NCOA7: variants seen among roughly 807,000 people sequenced by gnomAD.
NCOA7 encodes the protein nuclear receptor coactivator 7.
NCOA7 carries 45 observed loss-of-function variants against 104.3 expected under a neutral mutation model. The ratio of observed to expected loss-of-function variants is 0.43; its 90% CI spans 0.34 to 0.55. The LOEUF is 0.55. Among genes scored for constraint, NCOA7 ranks in the 20% least tolerant of loss-of-function variants. The pLI is 0.02. For missense variants in NCOA7, 1,041 were observed against 1,119.7 expected, an observed-to-expected ratio of 0.93 and a Z score of 1.00; for synonymous variants, 398 against 402.3, an observed-to-expected ratio of 0.99 and a Z score of 0.13.
At chr6:125,912,296 T>G (rs1786637542) in intron 10 of NCOA7, among the ~76,000 whole-genome samples, 1 of 152,194 alleles carries the variant, frequency 6.6e-6, no homozygotes, top group Non-Finnish European at 1.5e-5. Flanking sequence ...AGGAAAATTT[T>G]GGGGGCCTAA....
intron 3 of NCOA7, among the ~76,000 whole-genome samples, chr6:125,868,967 A>C (rs1782655608): frequency 6.6e-6 from 1 of 152,250 alleles, no homozygotes; most frequent in African/African-American, 2.4e-5. Context: ...AGCCCCATGC[A>C]GAACTGGTCC....
At chr6:125,805,067 G>C (rs1776306151) in intron 1 of NCOA7, among the ~76,000 whole-genome samples, 1 of 145,866 alleles carries the variant, frequency 6.9e-6, no homozygotes, top group African/African-American at 2.5e-5. Flanking sequence ...TGGCCATAAA[G>C]CTGGGTTCAC....
At chr6:125,903,764 G>A (rs1321540231) in intron 10 of NCOA7, among the ~76,000 whole-genome samples, 2 of 147,498 alleles carry the variant, frequency 1.4e-5, no homozygotes, top group Non-Finnish European at 3.0e-5. Context: ...GGAGTGTAGT[G>A]GCATGATCTC....
At chr6:125,866,784 A>G (rs1426470077) in intron 3 of NCOA7, among the ~76,000 whole-genome samples, 1 of 152,134 alleles carries the variant, frequency 6.6e-6, no homozygotes, top group Non-Finnish European at 1.5e-5. Context: ...TGTCACTGCA[A>G]TGTTTTAATT....
chr6:125,923,441 C>T (rs1192282991), intron 13 of NCOA7, among the ~76,000 whole-genome samples: 1 of 152,132 alleles, frequency 6.6e-6, no homozygotes, highest in African/African-American at 2.4e-5. Flanking sequence ...ACCCCTTGTC[C>T]CTGCACTGTT....
chr6:125,889,845 A>C lies in NCOA7; in HGVS notation c.1791A>C (p.Thr597=), dbSNP rs1784504371. ...TCCCGGTAAAACTGAACTCTTCTAC[A>C]GAAGCAAATGTGATTAAAGAGGCTC... ...EPLPVKLNSS[T]EANVIKEALD... Residue 597 remains threonine, a synonymous_variant, in exon 9 of 16, where the codon ACA becomes ACC. Coordinates refer to ENST00000392477, the MANE Select transcript of NCOA7 (RefSeq NM_181782.5). The C allele has an allele frequency of 1.2e-6, 2 of 1,613,742 alleles. No individual in the cohort carries two copies. The highest frequency in any genetic ancestry group is 1.7e-6 in the Non-Finnish European group (2 of 1,179,936).
chr6:125,827,102 G>T (rs748863920), intron 2 of NCOA7, among the ~76,000 whole-genome samples: 7 of 147,682 alleles, frequency 4.7e-5, no homozygotes, highest in Non-Finnish European at 8.9e-5. Flanking sequence ...CAGGAGAATT[G>T]TGTGAACCCC....
chr6:125,879,726 A>G (rs192791329), intron 5 of NCOA7, among the ~76,000 whole-genome samples: 185 of 152,308 alleles, frequency 1.2e-3, no homozygotes, highest in African/African-American at 4.2e-3. Context: ...GGCCGGGCAC[A>G]GTGGCTCATC....
In NCOA7 at chr6:125,900,142, G is replaced by GTGGAC. The variant is rs774323898; in HGVS notation, c.2096+9333_2096+9337dup. Reference sequence around the variant, plus strand: ...AGCTCCTTCTCTACCAGTAGGGGCTGTGGACCTCTGTAGCTAGGTGGGAAT... The same window carrying GTGGAC: ...AGCTCCTTCTCTACCAGTAGGGGCTGTGGACTGGACCTCTGTAGCTAGGTGGGAAT... On this transcript the variant is annotated intron_variant, in intron 10 of 15. Transcript: ENST00000392477. The GTGGAC allele has an allele frequency of 4.8e-4, 210 of 437,018 alleles. 2 individuals are homozygous for GTGGAC. The highest frequency in any genetic ancestry group is 7.2e-4 in the Admixed American group (31 of 43,162). 27.1% of individuals were successfully genotyped at this position (437,018 alleles called of 1,614,324 possible).
intron 3 of NCOA7, among the ~76,000 whole-genome samples, chr6:125,859,179 G>C (rs1325127457): frequency 6.6e-6 from 1 of 152,054 alleles, no homozygotes; most frequent in Non-Finnish European, 1.5e-5. Context: ...CTTAGGGGAA[G>C]GGGCACACCG....
intron 11 of NCOA7, among the ~76,000 whole-genome samples, chr6:125,918,265 G>C (rs754500381): frequency 6.6e-6 from 1 of 152,070 alleles, no homozygotes; most frequent in Non-Finnish European, 1.5e-5. Context: ...TTATGTCTCT[G>C]TGCCTGGCAA....
intron 3 of NCOA7, among the ~76,000 whole-genome samples, chr6:125,858,378 C>T (rs947326804): frequency 1.1e-4 from 16 of 152,070 alleles, no homozygotes; most frequent in African/African-American, 3.6e-4. Context: ...CAGTGGTTCA[C>T]ACCTGTAATC....
At chr6:125,800,384 G>A (rs58745512) in intron 1 of NCOA7, among the ~76,000 whole-genome samples, 8,422 of 152,202 alleles carry the variant, frequency 0.055, 765 homozygotes, top group African/African-American at 0.19. Flanking sequence ...TTTTAGTTAT[G>A]TGCCTTATAA....
At chr6:125,921,566 G>C (rs1167850870) in intron 12 of NCOA7, among the ~76,000 whole-genome samples, 1 of 152,186 alleles carries the variant, frequency 6.6e-6, no homozygotes, top group Non-Finnish European at 1.5e-5. Flanking sequence ...CTTCTTAGTA[G>C]TATGAGGAGT....
intron 15 of NCOA7, 26 bp from the exon 16 acceptor site, chr6:125,928,610 T>C (rs1482114569): frequency 2.5e-5 from 4 of 159,696 alleles, no homozygotes; most frequent in Non-Finnish European, 5.0e-5. Flanking sequence ...TGTTTTTACC[T>C]TTTTTTTTTT....
chr6:125,827,684 G>A (rs1268781582), intron 2 of NCOA7, among the ~76,000 whole-genome samples: 1 of 152,176 alleles, frequency 6.6e-6, no homozygotes, highest in Non-Finnish European at 1.5e-5. Flanking sequence ...GCTAGGGAGA[G>A]AGGGAAGGAC....
At chr6:125,903,455 A>G (rs987524852) in intron 10 of NCOA7, among the ~76,000 whole-genome samples, 3 of 152,066 alleles carry the variant, frequency 2.0e-5, no homozygotes, top group South Asian at 2.1e-4. Flanking sequence ...AGATTTGTCC[A>G]TGTCTCTTCC....
At chr6:125,890,020 A>G in intron 9 of NCOA7, 39 bp downstream of exon 9, 2 of 1,429,176 alleles carry the variant, frequency 1.4e-6, no homozygotes, top group Non-Finnish European at 1.8e-6. Context: ...ATTCTGTTGC[A>G]TAATTGCCTT....
At chr6:125,880,484 C>G (rs903953563) in intron 5 of NCOA7, among the ~76,000 whole-genome samples, 2 of 151,562 alleles carry the variant, frequency 1.3e-5, no homozygotes, top group Non-Finnish European at 2.9e-5. Flanking sequence ...ACCCACCTTG[C>G]TCTCTCTTTT....
Sources: gnomAD v4.1 joint callset for allele counts (sites outside exome capture counted in the v4.1 genomes callset) on GRCh38, gnomAD v4.1.1 for gene constraint, MANE v1.5 for transcripts, NCBI Gene and HGNC (gene_info 2026-07-23, HGNC 2026-07-21) for gene names.